Variants in PLCB4 observed in about 807,000 individuals in gnomAD.
PLCB4 encodes phospholipase C beta 4, also known as 1-phosphatidylinositol 4,5-bisphosphate phosphodiesterase beta-4.
In PLCB4, 77 loss-of-function variants were observed where a neutral mutation model predicts 178.8. The ratio of observed to expected loss-of-function variants is 0.43; its 90% CI spans 0.36 to 0.52. The LOEUF (loss-of-function observed/expected upper bound fraction) is 0.52. PLCB4 is among the 20% of genes least tolerant of loss of function. The pLI, the probability that PLCB4 is intolerant of heterozygous loss-of-function variation, is 0.00. For synonymous variants in PLCB4, 496 were observed against 490.8 expected (o/e 1.01, Z -0.14); for missense variants, 1,024 against 1,453.4 (o/e 0.70, Z 4.80).
At chr20:9,477,379 A>ATGGT (rs1179939196) in intron 39 of PLCB4, among the ~76,000 whole-genome samples, 3 of 152,196 alleles carry the variant, frequency 2.0e-5, no homozygotes, top group African/African-American at 7.2e-5. Context: ...ATGAGAATGA[A>ATGGT]TGGTCACCCA....
At chr20:9,101,409 T>C (rs760050469) in intron 2 of PLCB4, among the ~76,000 whole-genome samples, 11 of 152,154 alleles carry the variant, frequency 7.2e-5, no homozygotes, top group Non-Finnish European at 1.5e-4. Context: ...TATTCAGGAA[T>C]CCACATGTTC....
intron 7 of PLCB4, among the ~76,000 whole-genome samples, chr20:9,356,085 T>C (rs1240832419): frequency 6.6e-6 from 1 of 152,272 alleles, no homozygotes; most frequent in African/African-American, 2.4e-5. Context: ...TTTGGCTGCA[T>C]AAATGTCTTC....
chr20:9,130,001 C>G (rs1258339902), intron 2 of PLCB4, among the ~76,000 whole-genome samples: 2 of 151,986 alleles, frequency 1.3e-5, no homozygotes, highest in Non-Finnish European at 2.9e-5. Context: ...GTTCTTGGCT[C>G]ATTTTGGCAT....
chr20:9,363,818 T>C (rs1472570414), intron 8 of PLCB4, among the ~76,000 whole-genome samples: 3 of 152,200 alleles, frequency 2.0e-5, no homozygotes, highest in Non-Finnish European at 4.4e-5. Flanking sequence ...TCTCTCAAAA[T>C]TATGCCCCAG....
intron 35 of PLCB4, among the ~76,000 whole-genome samples, chr20:9,467,592 C>T (rs953137150): frequency 2.0e-5 from 3 of 152,132 alleles, no homozygotes; most frequent in East Asian, 1.9e-4. Flanking sequence ...TTGTCAGCAA[C>T]GTTTGGTCAT....
At chr20:9,088,421 C>T (rs538788893) in intron 1 of PLCB4, among the ~76,000 whole-genome samples, 2 of 152,188 alleles carry the variant, frequency 1.3e-5, no homozygotes, top group East Asian at 1.9e-4. Flanking sequence ...CTTTTCTCAT[C>T]ATTAGAAGAA....
chr20:9,149,477 A>G (rs1195781591), intron 2 of PLCB4, among the ~76,000 whole-genome samples: 1 of 152,170 alleles, frequency 6.6e-6, no homozygotes, highest in African/African-American at 2.4e-5. Context: ...ATAACGATTT[A>G]TTGAATTTGC....
intron 2 of PLCB4, among the ~76,000 whole-genome samples, chr20:9,190,333 A>G (rs2093385707): frequency 6.6e-6 from 1 of 152,136 alleles, no homozygotes; most frequent in Non-Finnish European, 1.5e-5. Flanking sequence ...TGCTATTCTC[A>G]TGATAGTGAG....
chr20:9,354,779 A>G (rs2034645933), intron 7 of PLCB4, among the ~76,000 whole-genome samples: 1 of 152,210 alleles, frequency 6.6e-6, no homozygotes, highest in South Asian at 2.1e-4. Flanking sequence ...TATCTGTTGG[A>G]AGCTTGTTAG....
chr20:9,156,582 T>C (rs915846708), intron 2 of PLCB4, among the ~76,000 whole-genome samples: 8 of 152,120 alleles, frequency 5.3e-5, no homozygotes, highest in Non-Finnish European at 8.8e-5. Context: ...TTTGACAGAA[T>C]TGAGAGGGGA....
rs1257830779 is a variant in PLCB4, at chr20:9,149,676, A to G, written c.-79+53334A>G. 3.3e-5 allele frequency among the ~76,000 whole-genome samples: 5 copies of G among 151,610 alleles called. No individual in the cohort carries two copies. The East Asian group carries it at 7.7e-4, about 23-fold the overall frequency. ...CATCGTAGTCCTGGCTATGCTACTC[A>G]TTGGCTATGTGACTCTGGGCAAGTT... On this transcript the variant is annotated intron_variant, in intron 2 of 39. Coordinates refer to ENST00000378473, the MANE Select transcript of PLCB4 (RefSeq NM_001377142.1).
At chr20:9,239,697 A>C (rs1004046417) in intron 3 of PLCB4, among the ~76,000 whole-genome samples, 2 of 152,218 alleles carry the variant, frequency 1.3e-5, no homozygotes, top group Non-Finnish European at 2.9e-5. Flanking sequence ...TGACTCACAC[A>C]GTCACAAGAT....
chr20:9,198,249 G>A (rs1026035756), intron 2 of PLCB4, among the ~76,000 whole-genome samples: 1 of 152,122 alleles, frequency 6.6e-6, no homozygotes, highest in African/African-American at 2.4e-5. Flanking sequence ...TCTCAAAGGT[G>A]TCTGTCACTA....
At chr20:9,153,474 T>G (rs781005679) in intron 2 of PLCB4, among the ~76,000 whole-genome samples, 9 of 152,294 alleles carry the variant, frequency 5.9e-5, no homozygotes, top group Admixed American at 2.0e-4. Flanking sequence ...CTCTTGCTTC[T>G]TCCTCATTTT....
At chr20:9,345,428 A>AT (rs2033697270) in intron 7 of PLCB4, among the ~76,000 whole-genome samples, 7 of 152,116 alleles carry the variant, frequency 4.6e-5, no homozygotes, top group Admixed American at 4.6e-4. Context: ...GCTTGGAAGG[A>AT]TTTTGGTGTC....
chr20:9,339,024 C>T lies in PLCB4; in HGVS notation c.356C>T (p.Pro119Leu), dbSNP rs1568612993. The stretch of plus-strand genomic sequence containing the variant: ...TTTACCTACATGGTGGCTGAAAATC[C>T]AGAAGTAACTAAGGTAGCTTCAGTT... ...ISFTYMVAEN[P>L]EVTKQWVEGL... The change falls in exon 7 of 40, where the codon CCA becomes CTA. Residue 119 changes from proline (P) to leucine (L), a missense_variant. Physicochemically the swap from Pro to Leu is moderately conservative, Grantham distance 98 (BLOSUM62 -3). Transcript: ENST00000378473. 1.2e-6 allele frequency: 2 copies of T among 1,612,708 alleles called. No homozygotes were observed. The highest frequency in any genetic ancestry group is 2.7e-5 in the African/African-American group (2 of 74,836).
intron 7 of PLCB4, among the ~76,000 whole-genome samples, chr20:9,346,224 C>T (rs564654164): frequency 1.3e-5 from 2 of 152,332 alleles, no homozygotes; most frequent in East Asian, 1.9e-4. Context: ...GGCCCTGCCC[C>T]ACCCTACTGA....
chr20:9,363,094 C>T, intron 8 of PLCB4, 119 bp downstream of exon 8: 1 of 738,900 alleles, frequency 1.4e-6, no homozygotes, highest in South Asian at 1.5e-5. Context: ...CCTCCATGCT[C>T]CTGACCTTGG....
At chr20:9,276,636 C>T (rs1298245547) in intron 3 of PLCB4, among the ~76,000 whole-genome samples, 1 of 152,032 alleles carries the variant, frequency 6.6e-6, no homozygotes, top group East Asian at 1.9e-4. Flanking sequence ...ATTCCTAGTC[C>T]CTGCTCTTTC....
Sources: allele counts gnomAD v4.1 joint callset (sites outside exome capture counted in the v4.1 genomes callset), GRCh38; gene constraint gnomAD v4.1.1; transcripts MANE v1.5; gene names NCBI Gene and HGNC (gene_info 2026-07-23, HGNC 2026-07-21).